Variants in GRB14 observed in about 807,000 individuals in gnomAD.
The protein encoded by GRB14 is growth factor receptor bound protein 14, also known as growth factor receptor-bound protein 14.
In GRB14, 38 loss-of-function variants were observed where a neutral mutation model predicts 69.1. The ratio of observed to expected loss-of-function variants is 0.55; its 90% CI spans 0.42 to 0.72. GRB14 has a LOEUF of 0.72. Among genes scored for constraint, GRB14 ranks in the 30% least tolerant of loss-of-function variants. The pLI is 0.00. For missense variants in GRB14, 666 were observed against 666.1 expected (o/e 1.00, Z 0.00); for synonymous variants, 247 against 241.3 (o/e 1.02, Z -0.22).
chr2:164,578,838 C>A (rs556206471), intron 2 of GRB14, among the ~76,000 whole-genome samples: 4 of 152,096 alleles, frequency 2.6e-5, no homozygotes, highest in Admixed American at 6.6e-5. Context: ...GACTAAGGAG[C>A]ATAAATGATT....
chr2:164,497,184 A>G (rs752245629), intron 11 of GRB14, 27 bp downstream of exon 11: 1 of 1,604,132 alleles, frequency 6.2e-7, no homozygotes, highest in South Asian at 1.1e-5. Context: ...CCGTCTACTC[A>G]GTGGCAATGA....
chr2:164,511,811 A>G (rs1237315637), intron 6 of GRB14, among the ~76,000 whole-genome samples: 4 of 152,150 alleles, frequency 2.6e-5, no homozygotes, highest in Non-Finnish European at 5.9e-5. Flanking sequence ...ACAGATGGAT[A>G]GAGCACCAGG....
chr2:164,596,110 G>C (rs373172497), intron 2 of GRB14, among the ~76,000 whole-genome samples: 48 of 152,142 alleles, frequency 3.2e-4, no homozygotes, highest in African/African-American at 9.6e-4. Context: ...ATGACAGAGG[G>C]AGACTCCGTC....
At chr2:164,510,861 C>G (rs1687321452) in intron 6 of GRB14, among the ~76,000 whole-genome samples, 1 of 152,148 alleles carries the variant, frequency 6.6e-6, no homozygotes, top group South Asian at 2.1e-4. Flanking sequence ...GAAAGAGGCA[C>G]TGAAGGAGGT....
intron 2 of GRB14, among the ~76,000 whole-genome samples, chr2:164,569,655 TGCATGGTGA>T (rs1347867438): frequency 2.6e-5 from 4 of 152,190 alleles, no homozygotes; most frequent in Non-Finnish European, 5.9e-5. Flanking sequence ...GAGTTTAATA[TGCATGGTGA>T]GCTCATATTC....
At chr2:164,531,942 C>CG (rs1687951013) in intron 3 of GRB14, among the ~76,000 whole-genome samples, 1 of 152,108 alleles carries the variant, frequency 6.6e-6, no homozygotes, top group African/African-American at 2.4e-5. Context: ...CATCCCAGTA[C>CG]GGGGCAAGAG....
At chr2:164,539,185 CTAA>C (rs1311754939) in intron 3 of GRB14, among the ~76,000 whole-genome samples, 49 of 152,054 alleles carry the variant, frequency 3.2e-4, no homozygotes, top group Non-Finnish European at 1.5e-5. Context: ...ATTAAAAATA[CTAA>C]TAACGGTCGG....
At chr2:164,540,390 C>T (rs1051315223) in intron 3 of GRB14, among the ~76,000 whole-genome samples, 7 of 152,126 alleles carry the variant, frequency 4.6e-5, no homozygotes, top group African/African-American at 1.7e-4. Context: ...GCGGGTGGAT[C>T]ATGAGGTCAG....
chr2:164,561,991 G>C lies in GRB14; in HGVS notation c.325-14175C>G, dbSNP rs181510992. Among the ~76,000 whole-genome samples the C allele has an allele frequency of 3.9e-5, 6 of 152,246 alleles. No homozygotes were observed. In the East Asian group the frequency reaches 7.7e-4, roughly 20 times the overall value. ...GCAAAAATTAAAGAAAAGCAACAGAGACAAATATTAGGAAGGAAATAGCAG... is the reference window on the plus strand; with the variant it reads ...GCAAAAATTAAAGAAAAGCAACAGACACAAATATTAGGAAGGAAATAGCAG... On this transcript the variant is annotated intron_variant, in intron 2 of 13. Transcript: ENST00000263915.
intron 2 of GRB14, among the ~76,000 whole-genome samples, chr2:164,550,750 T>C (rs548171128): frequency 6.6e-6 from 1 of 152,258 alleles, no homozygotes; most frequent in African/African-American, 2.4e-5. Context: ...CAAACTACAG[T>C]ATTTTCACAG....
At chr2:164,617,399 T>G (rs1030421077) in intron 2 of GRB14, among the ~76,000 whole-genome samples, 1 of 152,030 alleles carries the variant, frequency 6.6e-6, no homozygotes, top group African/African-American at 2.4e-5. Context: ...CAATATCACC[T>G]TTTCCCCATT....
At chr2:164,521,959 A>G in intron 6 of GRB14, 21 bp downstream of exon 6, 1 of 1,583,260 alleles carries the variant, frequency 6.3e-7, no homozygotes, top group South Asian at 1.1e-5. Flanking sequence ...GTCATAACAC[A>G]TCATGGATAC....
chr2:164,560,591 G>C (rs1162832098), intron 2 of GRB14, among the ~76,000 whole-genome samples: 1 of 152,048 alleles, frequency 6.6e-6, no homozygotes, highest in East Asian at 1.9e-4. Flanking sequence ...AGAAGGATTG[G>C]GGGGGCATAT....
intron 2 of GRB14, among the ~76,000 whole-genome samples, chr2:164,603,884 C>A (rs1689985718): frequency 6.6e-6 from 1 of 151,866 alleles, no homozygotes; most frequent in Non-Finnish European, 1.5e-5. Flanking sequence ...GCTATCAATA[C>A]CATATAAAGG....
chr2:164,621,219 G>A lies in GRB14; in HGVS notation c.91C>T (p.Gln31Ter). ...PLAAQVCGAAQGRGDAHDLAP... is the reference protein window; with the variant it reads ...PLAAQVCGAA ...AGGTCGTGGGCGTCGCCCCTCCCCT[G>A]GGCAGCGCCACACACCTGGGCGGCC... The change falls in exon 1 of 14, where the codon CAG (glutamine) becomes TAG (stop). Residue 31 changes from glutamine (Q) to a stop codon, truncating the protein, a stop_gained. Transcript: ENST00000263915. LOFTEE classifies it high-confidence loss of function. This position sits in a 1 kb window ranked among gnomAD's most constrained non-coding sequence, Gnocchi z 6.0. 8.0e-7 allele frequency: 1 copy of A among 1,249,436 alleles called. No homozygotes were observed. Among genetic ancestry groups the A allele is most frequent in the Non-Finnish European group, 1.0e-6 (1 of 994,012 alleles). 77.4% of individuals were successfully genotyped at this position (1,249,436 alleles called of 1,614,324 possible). A position where few individuals can be genotyped will look rare whatever the true frequency, so the allele number is the denominator to read the frequency against.
At chr2:164,505,284 C>T (rs1687160160) in intron 8 of GRB14, among the ~76,000 whole-genome samples, 1 of 152,084 alleles carries the variant, frequency 6.6e-6, no homozygotes, top group Admixed American at 6.5e-5. Context: ...AGAAAATAAG[C>T]CTCATTGAAA....
At chr2:164,545,820 C>T (rs1464697732) in intron 3 of GRB14, among the ~76,000 whole-genome samples, 1 of 152,140 alleles carries the variant, frequency 6.6e-6, no homozygotes, top group African/African-American at 2.4e-5. Flanking sequence ...GTTGCCAAAT[C>T]CTGTCTCACT....
At chr2:164,539,952 T>C (rs573692685) in intron 3 of GRB14, 4 of 152,134 alleles carry the variant, frequency 2.6e-5, no homozygotes, top group African/African-American at 9.7e-5. Flanking sequence ...TCCTTAGTAG[T>C]ATACTTTTAA....
intron 12 of GRB14, among the ~76,000 whole-genome samples, chr2:164,496,049 C>A (rs1686885793): frequency 6.6e-6 from 1 of 152,174 alleles, no homozygotes; most frequent in Admixed American, 6.6e-5. Flanking sequence ...AAAAAGACTG[C>A]ATTCCATGCA....
Sources: gnomAD v4.1 joint callset for allele counts (sites outside exome capture counted in the v4.1 genomes callset) on GRCh38, gnomAD v4.1.1 for gene constraint, Gnocchi (gnomAD v3.1) non-coding constraint, MANE v1.5 for transcripts, NCBI Gene and HGNC (gene_info 2026-07-23, HGNC 2026-07-21) for gene names.